The following PMFBP1 variants were observed in gnomAD, a reference collection of about 807,000 sequenced individuals.
PMFBP1 encodes polyamine-modulated factor 1-binding protein 1.
PMFBP1 carries 131 observed loss-of-function variants against 137.8 expected under a neutral mutation model. That is an observed-to-expected ratio of 0.95 (90% confidence interval 0.82 to 1.10). The LOEUF (loss-of-function observed/expected upper bound fraction) is 1.10. Among genes scored for constraint, PMFBP1 ranks in the 50% least tolerant of loss-of-function variants. The pLI, the probability that PMFBP1 is intolerant of heterozygous loss-of-function variation, is 0.00. For synonymous variants in PMFBP1, 490 were observed against 450.4 expected, an observed-to-expected ratio of 1.09 and a Z score of -1.11; for missense variants, 1,199 against 1,175.4, an observed-to-expected ratio of 1.02 and a Z score of -0.29.
chr16:72,180,700 ATG>A (rs1365829050), upstream of PMFBP1, among the ~76,000 whole-genome samples: 4 of 152,228 alleles, frequency 2.6e-5, no homozygotes, highest in East Asian at 7.7e-4. Context: ...AGCCCTCTGT[ATG>A]TGTTGTAGTA....
At chr16:72,119,759 A>T (rs760230646) in intron 20 of PMFBP1, 92 bp downstream of exon 20, 1 of 1,546,996 alleles carries the variant, frequency 6.5e-7, no homozygotes, top group Non-Finnish European at 8.7e-7. Context: ...TGAGGCCACA[A>T]AAGGCCTATT....
the PMFBP1 span, among the ~76,000 whole-genome samples, chr16:72,199,381 C>T: frequency 3.9e-5 from 6 of 152,090 alleles, no homozygotes; most frequent in Non-Finnish European, 7.3e-5. Context: ...TGGCTGGGTG[C>T]GGTGGCTCAT....
chr16:72,143,465 G>T (rs1461338352), intron 5 of PMFBP1, among the ~76,000 whole-genome samples: 1 of 152,200 alleles, frequency 6.6e-6, no homozygotes, highest in Non-Finnish European at 1.5e-5. Flanking sequence ...CAATTAGGCC[G>T]GGCGTGGTGG....
At chr16:72,202,610 G>T in the PMFBP1 span, among the ~76,000 whole-genome samples, 8 of 152,170 alleles carry the variant, frequency 5.3e-5, no homozygotes, top group African/African-American at 1.9e-4. Flanking sequence ...TAGGAAGTTG[G>T]CACATTATTG....
At chr16:72,166,776 C>G (rs1322403248) in intron 2 of PMFBP1, among the ~76,000 whole-genome samples, 4 of 152,206 alleles carry the variant, frequency 2.6e-5, no homozygotes, top group Non-Finnish European at 2.9e-5. Flanking sequence ...CAGTCAATGG[C>G]CAATGGCCAT....
chr16:72,190,031 A>G, the PMFBP1 span, among the ~76,000 whole-genome samples: 1 of 152,148 alleles, frequency 6.6e-6, no homozygotes, highest in Admixed American at 6.5e-5. Context: ...AAAAATCTCA[A>G]AAAACCAATC....
chr16:72,128,859 C>G (rs1427029990), intron 13 of PMFBP1, 65 bp from the exon 14 acceptor site: 41 of 1,596,324 alleles, frequency 2.6e-5, no homozygotes, highest in Non-Finnish European at 3.4e-5. Context: ...TATAAAAGCC[C>G]CACTCCACCC....
At chr16:72,196,608 AT>A in the PMFBP1 span, among the ~76,000 whole-genome samples, 6 of 152,196 alleles carry the variant, frequency 3.9e-5, no homozygotes, top group African/African-American at 1.4e-4. Context: ...GGGTAAGCAC[AT>A]TGGTTAATCT....
At chr16:72,125,211 C>T in intron 16 of PMFBP1, 27 bp downstream of exon 16, 1 of 1,602,222 alleles carries the variant, frequency 6.2e-7, no homozygotes, top group Non-Finnish European at 8.5e-7. Flanking sequence ...ACCAGGAAGG[C>T]AGCCCAAGCC....
chr16:72,133,156 A>G (rs556212151), intron 9 of PMFBP1, among the ~76,000 whole-genome samples, 165 bp from the exon 10 acceptor site: 1 of 152,036 alleles, frequency 6.6e-6, no homozygotes, highest in Non-Finnish European at 1.5e-5. Flanking sequence ...TTCTCCACGC[A>G]GTTGAGAGAG....
chr16:72,130,592 T>C lies in PMFBP1; in HGVS notation c.1578A>G (p.Arg526=). ...ACTCCTTCTGCAGCATCTGAAGTTCTCTCTGTAGTTCCTGGATGGTGTCTG... is the reference window on the plus strand; with the variant it reads ...ACTCCTTCTGCAGCATCTGAAGTTCCCTCTGTAGTTCCTGGATGGTGTCTG... ...QKADTIQELQ[R]ELQMLQKESS... Residue 526 remains arginine (R), a synonymous_variant, in exon 11 of 21, where the codon AGA becomes AGG. Coordinates refer to ENST00000237353, the MANE Select transcript of PMFBP1 (RefSeq NM_031293.3). 6.2e-7 allele frequency: 1 copy of C among 1,614,060 alleles called. No homozygotes were observed. The highest frequency in any genetic ancestry group is 8.5e-7 in the Non-Finnish European group (1 of 1,180,012).
At chr16:72,139,169 C>T (rs981485701) in intron 7 of PMFBP1, 120 bp downstream of exon 7, 2 of 746,018 alleles carry the variant, frequency 2.7e-6, no homozygotes, top group Non-Finnish European at 4.3e-6. Flanking sequence ...CAACCAAGCT[C>T]ACACAGATAT....
the PMFBP1 span, among the ~76,000 whole-genome samples, chr16:72,222,952 T>G: frequency 3.3e-5 from 5 of 152,146 alleles, no homozygotes; most frequent in Non-Finnish European, 7.4e-5. Context: ...TAGGTGGTAT[T>G]TAAAATTATT....
chr16:72,223,800 A>T, the PMFBP1 span, among the ~76,000 whole-genome samples: 50,145 of 152,078 alleles, frequency 0.33, 8,700 homozygotes, highest in South Asian at 0.48. Flanking sequence ...TTCTGAAACT[A>T]CAAGCTTTAC....
chr16:72,209,487 T>C, the PMFBP1 span, among the ~76,000 whole-genome samples: 2 of 152,066 alleles, frequency 1.3e-5, no homozygotes, highest in Admixed American at 1.3e-4. Context: ...ATTATCTGTA[T>C]ATATTATCCA....
intron 3 of PMFBP1, among the ~76,000 whole-genome samples, chr16:72,163,932 G>T (rs1002784844): frequency 1.3e-4 from 20 of 151,898 alleles, no homozygotes; most frequent in Admixed American, 1.2e-3. Context: ...AAAGGGTGGG[G>T]GGGGTGAGGG....
chr16:72,177,714 G>C (rs1237545398), upstream of PMFBP1, among the ~76,000 whole-genome samples: 1 of 152,108 alleles, frequency 6.6e-6, no homozygotes, highest in South Asian at 2.1e-4. Flanking sequence ...TTTCACTAAT[G>C]TCCTTTTTCT....
the PMFBP1 span, among the ~76,000 whole-genome samples, chr16:72,184,069 A>G: frequency 6.6e-6 from 1 of 152,038 alleles, no homozygotes; most frequent in Non-Finnish European, 1.5e-5. Flanking sequence ...TTGGTTTCTG[A>G]GACTCTCTCC....
At chr16:72,123,279 A>G (rs1280396810) in intron 18 of PMFBP1, among the ~76,000 whole-genome samples, 2 of 152,146 alleles carry the variant, frequency 1.3e-5, no homozygotes, top group African/African-American at 4.8e-5. Context: ...AGGATATCTG[A>G]GCCAATGTCC....
Sources: allele counts gnomAD v4.1 joint callset (sites outside exome capture counted in the v4.1 genomes callset), GRCh38; gene constraint gnomAD v4.1.1; transcripts MANE v1.5; gene names NCBI Gene and HGNC (gene_info 2026-07-23, HGNC 2026-07-21).